Variants in GALNT15 observed in about 807,000 individuals in gnomAD.
GALNT15 encodes polypeptide N-acetylgalactosaminyltransferase 15, also known as UDP-GalNAc transferase T15.
In GALNT15, 67 loss-of-function variants were observed where a neutral mutation model predicts 66.8. The observed-to-expected ratio is 1.00, with a 90% CI of 0.82 to 1.23. The LOEUF (loss-of-function observed/expected upper bound fraction) is 1.23, where lower values mean the gene tolerates loss of function less well. Among genes scored for constraint, GALNT15 ranks in the 50% most tolerant of loss-of-function variants. GALNT15 has a pLI of 0.00. For missense variants in GALNT15, 827 were observed against 804.3 expected (o/e 1.03, Z -0.34); for synonymous variants, 313 against 311.5 (o/e 1.00, Z -0.05).
intron 1 of GALNT15, among the ~76,000 whole-genome samples, chr3:16,178,256 C>T (rs78199848): frequency 0.012 from 1,839 of 152,018 alleles, 31 homozygotes; most frequent in Admixed American, 0.042. Flanking sequence ...AGTGTGGGTA[C>T]ATTTTGTGCT....
In GALNT15 at chr3:16,212,590, G is replaced by C. The variant is rs746830716; in HGVS notation, c.1219G>C (p.Val407Leu). 38 of 1,613,726 alleles carry C rather than the reference G, an allele frequency of 2.4e-5. No individual in the cohort carries two copies. The East Asian group carries it at 3.6e-4, about 15-fold the overall frequency. The change falls in exon 6 of 10, where the codon GTT (valine) becomes CTT (leucine). Residue 407 changes from valine (V) to leucine (L), a missense_variant. Physicochemically the swap from Val to Leu is conservative, Grantham distance 32 (BLOSUM62 1). Coordinates refer to ENST00000339732, the MANE Select transcript of GALNT15 (RefSeq NM_054110.5). ...GCAGGCCTGGCTCTGTGGTGGCTCT[G>C]TTGAAATCCTTCCCTGCTCTCGGGT... ...SFKAWLCGGSVEILPCSRVGH... is the reference protein window; with the variant it reads ...SFKAWLCGGSLEILPCSRVGH...
rs1299293476 is a variant in GALNT15, at chr3:16,195,353, G to A, written c.540-407G>A. Among the ~76,000 whole-genome samples, 2 of 152,230 alleles carry A rather than the reference G, an allele frequency of 1.3e-5. No individual in the cohort carries two copies. Among genetic ancestry groups the A allele is most frequent in the Admixed American group, 1.3e-4 (2 of 15,278 alleles). On this transcript the variant is annotated intron_variant, in intron 1 of 9. Coordinates refer to ENST00000339732, the MANE Select transcript of GALNT15 (RefSeq NM_054110.5). The surrounding 1 kb of genome is among the most constrained non-coding windows in gnomAD (Gnocchi z 4.6). ...ATTCTTCAGCCCCACTCCATCTCCAGAAACTCTGGGGGTGGGCCCTGCAGT... is the reference window on the plus strand; with the variant it reads ...ATTCTTCAGCCCCACTCCATCTCCAAAAACTCTGGGGGTGGGCCCTGCAGT...
chr3:16,196,099 C>T (rs994663841), intron 2 of GALNT15, 173 bp downstream of exon 2: 3 of 642,468 alleles, frequency 4.7e-6, no homozygotes, highest in Non-Finnish European at 7.9e-6. Context: ...ACTGGGGAAA[C>T]CAGTAAGGCA....
chr3:16,205,291 G>C (rs1416781556), intron 3 of GALNT15, among the ~76,000 whole-genome samples: 1 of 152,208 alleles, frequency 6.6e-6, no homozygotes, highest in Non-Finnish European at 1.5e-5. Context: ...CCAGGCTCAC[G>C]AGAATTAACA....
At position 16,209,099 on chromosome 3, in the gene GALNT15, A is replaced by T. The variant is rs1322859915; in HGVS notation, c.1079+429A>T. On this transcript the variant is annotated intron_variant, in intron 4 of 9. Coordinates refer to ENST00000339732, the MANE Select transcript of GALNT15 (RefSeq NM_054110.5). This position sits in a 1 kb window ranked among gnomAD's most constrained non-coding sequence, Gnocchi z 4.1. Reference sequence around the variant, plus strand: ...CAAATAGGAAGAATTCAACCAGGTGAATGCTAAGAACCATAGGTCTCAAAT... The same window carrying T: ...CAAATAGGAAGAATTCAACCAGGTGTATGCTAAGAACCATAGGTCTCAAAT... 6.6e-6 allele frequency among the ~76,000 whole-genome samples: 1 copy of T among 152,222 alleles called. No individual in the cohort carries two copies. Among genetic ancestry groups the T allele is most frequent in the African/African-American group, 2.4e-5 (1 of 41,450 alleles).
Position 16,228,369 on chromosome 3 carries a change from G to A in GALNT15, c.*869G>A, listed in dbSNP as rs532110263. 5.7e-5 allele frequency: 56 copies of A among 983,634 alleles called. 2 individuals are homozygous for A. In the Admixed American group the frequency reaches 6.8e-4, roughly 12 times the overall value. The allele number at this position is 983,634 out of a possible 1,614,324, so 60.9% of individuals were successfully genotyped here. A position where few individuals can be genotyped will look rare whatever the true frequency, so the allele number is the denominator to read the frequency against. ...GTTGAGAAACTCTCCTGCCGGGCGC[G>A]GTGGCTCATGCCTGTAATTCCAGCA... On this transcript the variant is annotated 3_prime_UTR_variant, in exon 10 of 10. Coordinates refer to ENST00000339732, the MANE Select transcript of GALNT15 (RefSeq NM_054110.5).
intron 1 of GALNT15, among the ~76,000 whole-genome samples, chr3:16,179,050 G>A (rs2063442930): frequency 1.3e-5 from 2 of 152,190 alleles, no homozygotes; most frequent in Admixed American, 1.3e-4. Context: ...AGTTTGAATA[G>A]GTGGCATTTG....
intron 6 of GALNT15, among the ~76,000 whole-genome samples, chr3:16,215,721 C>T (rs1407114243): frequency 6.6e-6 from 1 of 151,928 alleles, no homozygotes; most frequent in African/African-American, 2.4e-5. Context: ...ACCATCCTGG[C>T]TAACATGGTG....
downstream of GALNT15, chr3:16,231,897 A>G (rs765281242): frequency 2.3e-5 from 35 of 1,535,892 alleles, no homozygotes; most frequent in Non-Finnish European, 3.0e-5. The surrounding 1 kb of genome is among the most constrained non-coding windows in gnomAD (Gnocchi z 4.1). Context: ...TCATTCAGAG[A>G]TCCTCAAGAA....
rs1318527493 is a variant in GALNT15 at position 16,186,827 on chromosome 3, T to TG, written c.540-8928dup. Among the ~76,000 whole-genome samples the TG allele has an allele frequency of 6.6e-6, 1 of 152,138 alleles. No individual in the cohort carries two copies. Among genetic ancestry groups the TG allele is most frequent in the African/African-American group, 2.4e-5 (1 of 41,420 alleles). ...TGACTGCCAATGGGTAGTAGGTTTT[T>TG]GGGGGTGGGGTGTTGAAAACGTTCT... On this transcript the variant is annotated intron_variant, in intron 1 of 9. Coordinates refer to ENST00000339732, the MANE Select transcript of GALNT15 (RefSeq NM_054110.5). The surrounding 1 kb of genome is among the most constrained non-coding windows in gnomAD (Gnocchi z 5.1).
At chr3:16,197,091 T>A (rs546819994) in intron 2 of GALNT15, among the ~76,000 whole-genome samples, 28 of 152,282 alleles carry the variant, frequency 1.8e-4, no homozygotes, top group African/African-American at 6.3e-4. Flanking sequence ...GCGGGTAAAG[T>A]GCCCAGAGAC....
At chr3:16,241,428 A>T in the GALNT15 span, among the ~76,000 whole-genome samples, 36 of 152,176 alleles carry the variant, frequency 2.4e-4, no homozygotes, top group African/African-American at 8.7e-4. The surrounding 1 kb of genome is among the most constrained non-coding windows in gnomAD (Gnocchi z 4.6). Flanking sequence ...CACTTTTTGG[A>T]TGGCTTTAGA....
chr3:16,229,272 G>C lies in GALNT15; in HGVS notation c.*1772G>C. ...TCCTCAGAATACACTCTGGACCTGT[G>C]CTGTCTAATATGGTAGCCACTAACA... is the stretch of plus-strand genomic sequence containing the variant. On this transcript the variant is annotated 3_prime_UTR_variant, in exon 10 of 10. Coordinates refer to ENST00000339732, the MANE Select transcript of GALNT15 (RefSeq NM_054110.5). The C allele has an allele frequency of 1.7e-5, 17 of 983,282 alleles. No homozygotes were observed. The highest frequency in any genetic ancestry group is 2.1e-5 in the Non-Finnish European group (17 of 828,008). 60.9% of individuals were successfully genotyped at this position (983,282 alleles called of 1,614,324 possible).
Position 16,191,239 on chromosome 3 carries a change from C to T in GALNT15, c.540-4521C>T. The T allele has an allele frequency of 3.2e-6, 2 of 631,256 alleles. No homozygotes were observed. Among genetic ancestry groups the T allele is most frequent in the Non-Finnish European group, 3.9e-6 (2 of 506,658 alleles). The allele number at this position is 631,256 out of a possible 1,614,324, so 39.1% of individuals were successfully genotyped here. On this transcript the variant is annotated intron_variant, in intron 1 of 9. Coordinates refer to ENST00000339732, the MANE Select transcript of GALNT15 (RefSeq NM_054110.5). This position sits in a 1 kb window ranked among gnomAD's most constrained non-coding sequence, Gnocchi z 5.2. Reference sequence around the variant, plus strand: ...ATGCTTGCTGTCCTTATTTTTCTGCCTCCTTCTTCCTCCTGCTGCGGGAAG... The same window carrying T: ...ATGCTTGCTGTCCTTATTTTTCTGCTTCCTTCTTCCTCCTGCTGCGGGAAG...
At chr3:16,202,851 G>C (rs550915740) in intron 3 of GALNT15, among the ~76,000 whole-genome samples, 17 of 152,316 alleles carry the variant, frequency 1.1e-4, no homozygotes, top group Admixed American at 5.2e-4. Context: ...TTTCGCTATC[G>C]AGAACCCTGA....
Position 16,228,874 on chromosome 3 carries a change from G to A in GALNT15, c.*1374G>A. 1.0e-6 allele frequency: 1 copy of A among 985,434 alleles called. No individual in the cohort carries two copies. Among genetic ancestry groups the A allele is most frequent in the Non-Finnish European group, 1.2e-6 (1 of 829,938 alleles). The allele number at this position is 985,434 out of a possible 1,614,324, so 61.0% of individuals were successfully genotyped here. On this transcript the variant is annotated 3_prime_UTR_variant, in exon 10 of 10. Transcript: ENST00000339732. The stretch of plus-strand genomic sequence containing the variant: ...CTGGAACCCCCAAATGTGTCCACAG[G>A]TTGAATGTCCATGAGTGTGGGAAGA...
chr3:16,201,442 A>G (rs1412547670), intron 3 of GALNT15, among the ~76,000 whole-genome samples: 2 of 152,084 alleles, frequency 1.3e-5, no homozygotes, highest in Non-Finnish European at 2.9e-5. Flanking sequence ...CAGCCTCCCA[A>G]AGTGCTGGGA....
At chr3:16,213,222 G>A (rs1038690326) in intron 6 of GALNT15, among the ~76,000 whole-genome samples, 26 of 152,124 alleles carry the variant, frequency 1.7e-4, no homozygotes, top group Admixed American at 1.4e-3. Context: ...TTGGGAGGCC[G>A]AGGTGGGTGG....
chr3:16,201,055 G>T (rs1164867879), intron 3 of GALNT15, among the ~76,000 whole-genome samples: 1 of 152,192 alleles, frequency 6.6e-6, no homozygotes, highest in Non-Finnish European at 1.5e-5. Context: ...ACCGAGGCCT[G>T]GAGAACAGCT....
Sources: gnomAD v4.1 joint callset for allele counts (sites outside exome capture counted in the v4.1 genomes callset) on GRCh38, gnomAD v4.1.1 for gene constraint, Gnocchi (gnomAD v3.1) non-coding constraint, MANE v1.5 for transcripts, NCBI Gene and HGNC (gene_info 2026-07-23, HGNC 2026-07-21) for gene names.